Variants in KYNU observed in about 807,000 individuals in gnomAD.
KYNU encodes L-kynurenine hydrolase.
In KYNU, 54 loss-of-function variants were observed where a neutral mutation model predicts 59.2. That is an observed-to-expected ratio of 0.91 (90% CI 0.73 to 1.14). KYNU has a LOEUF of 1.14. KYNU is among the 50% of genes most tolerant of loss of function. KYNU has a pLI of 0.00. For synonymous variants in KYNU, 177 were observed against 192.0 expected, an observed-to-expected ratio of 0.92 and a Z score of 0.65; for missense variants, 567 against 554.4, an observed-to-expected ratio of 1.02 and a Z score of -0.23.
chr2:142,947,305 G>A, intron 4 of KYNU: 1 of 1,344,362 alleles, frequency 7.4e-7, no homozygotes, highest in Non-Finnish European at 1.0e-6. Context: ...CTACACACCT[G>A]TGTCATAGAA....
At chr2:143,012,962 T>C (rs1001791513) in intron 10 of KYNU, among the ~76,000 whole-genome samples, 3 of 152,194 alleles carry the variant, frequency 2.0e-5, no homozygotes, top group Non-Finnish European at 2.9e-5. Flanking sequence ...AATTTTTCCA[T>C]GTCTGGCTTT....
chr2:142,956,563 T>G (rs536537086), intron 6 of KYNU, among the ~76,000 whole-genome samples: 12 of 152,322 alleles, frequency 7.9e-5, no homozygotes, highest in African/African-American at 2.9e-4. Flanking sequence ...TATAAATGTT[T>G]TATTAATTCT....
At position 143,050,493 on chromosome 2, in the gene KYNU, G is replaced by A. The variant is rs143365391; in HGVS notation, c.*8321G>A. The A allele has an allele frequency of 6.6e-6, 1 of 152,166 alleles. No individual in the cohort carries two copies. The highest frequency in any genetic ancestry group is 1.5e-5 in the Non-Finnish European group (1 of 68,012). 9.4% of individuals were successfully genotyped at this position (152,166 alleles called of 1,614,324 possible). A position where few individuals can be genotyped will look rare whatever the true frequency, so the allele number is the denominator to read the frequency against. On this transcript the variant is annotated 3_prime_UTR_variant, in exon 14 of 14. Coordinates refer to ENST00000264170, the MANE Select transcript of KYNU (RefSeq NM_003937.3). The stretch of plus-strand genomic sequence containing the variant: ...CATGATCTCATTCCTCAATACTATG[G>A]CTACGTAGTATTCCATGGTGTATAT...
At chr2:143,029,095 C>T (rs900637195) in intron 10 of KYNU, among the ~76,000 whole-genome samples, 2 of 152,002 alleles carry the variant, frequency 1.3e-5, no homozygotes, top group African/African-American at 4.8e-5. Context: ...TTAACTATAA[C>T]TCTTAAGTTG....
chr2:142,995,368 A>G (rs907568454), intron 10 of KYNU, among the ~76,000 whole-genome samples: 1 of 152,112 alleles, frequency 6.6e-6, no homozygotes, highest in Non-Finnish European at 1.5e-5. Flanking sequence ...TGAAGAGGTA[A>G]TTGAATATGT....
intron 8 of KYNU, among the ~76,000 whole-genome samples, chr2:142,969,654 ATGT>A (rs1270091300): frequency 6.6e-6 from 1 of 152,172 alleles, no homozygotes; most frequent in East Asian, 1.9e-4. Context: ...TGGCCTCCAG[ATGT>A]TGTTATAGGA....
chr2:142,889,193 GAGAAAAACCCAGGGAAAAC>G (rs1681619308), intron 2 of KYNU, among the ~76,000 whole-genome samples: 2 of 152,192 alleles, frequency 1.3e-5, no homozygotes, highest in South Asian at 4.2e-4. Flanking sequence ...AGGTTAGCAA[GAGAAAAACCCAGGGAAAAC>G]TTGAGATTTT....
At position 143,046,883 on chromosome 2, in the gene KYNU, A is replaced by G. The variant is rs987546446; in HGVS notation, c.*4711A>G. On this transcript the variant is annotated 3_prime_UTR_variant, in exon 14 of 14. Coordinates refer to ENST00000264170, the MANE Select transcript of KYNU (RefSeq NM_003937.3). The stretch of plus-strand genomic sequence containing the variant: ...TTGAACTGCAATTAAATTTTAGATC[A>G]GTTTTGGAAGAATTGACTCAATAGT... The G allele has an allele frequency of 6.6e-6, 1 of 152,172 alleles. No individual in the cohort carries two copies. The highest frequency in any genetic ancestry group is 1.5e-5 in the Non-Finnish European group (1 of 68,028). 9.4% of individuals were successfully genotyped at this position (152,172 alleles called of 1,614,324 possible). A position where few individuals can be genotyped will look rare whatever the true frequency, so the allele number is the denominator to read the frequency against.
chr2:142,929,323 T>C (rs1227345664), intron 4 of KYNU, among the ~76,000 whole-genome samples: 2 of 137,906 alleles, frequency 1.5e-5, no homozygotes, highest in African/African-American at 5.5e-5. Flanking sequence ...ATCTGGGGAG[T>C]TGGCTCGCTG....
Position 143,050,780 on chromosome 2 carries a change from G to C in KYNU, c.*8608G>C, listed in dbSNP as rs982479980. 27 of 151,992 alleles carry C rather than the reference G, an allele frequency of 1.8e-4. No homozygotes were observed. The allele number at this position is 151,992 out of a possible 1,614,324, so 9.4% of individuals were successfully genotyped here. On this transcript the variant is annotated 3_prime_UTR_variant, in exon 14 of 14. Coordinates refer to ENST00000264170, the MANE Select transcript of KYNU (RefSeq NM_003937.3). ...TTATTCTTGAGTTCAAAACTATATG[G>C]GTTCACATTTAAATTATATAGTGTA...
At chr2:142,955,533 T>A (rs1464652041) in intron 5 of KYNU, among the ~76,000 whole-genome samples, 1 of 152,078 alleles carries the variant, frequency 6.6e-6, no homozygotes, top group Non-Finnish European at 1.5e-5. Flanking sequence ...ACATAATGCT[T>A]ATTTGAGGTT....
chr2:143,032,494 T>C (rs1210046993), intron 11 of KYNU, among the ~76,000 whole-genome samples: 2 of 152,042 alleles, frequency 1.3e-5, no homozygotes, highest in Admixed American at 1.3e-4. Context: ...ATCACCATAG[T>C]TTGCTTAATC....
intron 10 of KYNU, among the ~76,000 whole-genome samples, chr2:142,987,947 T>C (rs895963254): frequency 6.6e-6 from 1 of 151,866 alleles, no homozygotes; most frequent in African/African-American, 2.4e-5. Context: ...ATGAAAGATG[T>C]TCCTGCCTCC....
rs1687132306 is a variant in KYNU at position 143,044,456 on chromosome 2, TA to T, written c.*2288del. On this transcript the variant is annotated 3_prime_UTR_variant, in exon 14 of 14. Coordinates refer to ENST00000264170, the MANE Select transcript of KYNU (RefSeq NM_003937.3). ...CTAATTTATACTCCCACCAACAGTG[TA>T]AAAGCATTCCTATTTCTCCACATCC... is the stretch of plus-strand genomic sequence containing the variant. The T allele has an allele frequency of 6.6e-6, 1 of 152,214 alleles. No homozygotes were observed. The highest frequency in any genetic ancestry group is 1.5e-5 in the Non-Finnish European group (1 of 68,028). 9.4% of individuals were successfully genotyped at this position (152,214 alleles called of 1,614,324 possible). A position where few individuals can be genotyped will look rare whatever the true frequency, so the allele number is the denominator to read the frequency against.
At chr2:142,939,464 T>C (rs1057290426) in intron 4 of KYNU, among the ~76,000 whole-genome samples, 2 of 151,594 alleles carry the variant, frequency 1.3e-5, no homozygotes, top group Non-Finnish European at 2.9e-5. Context: ...TAGCCGGGCA[T>C]TGTGGCACGT....
chr2:143,000,684 TA>T (rs1230975022), intron 10 of KYNU, among the ~76,000 whole-genome samples: 9 of 152,330 alleles, frequency 5.9e-5, no homozygotes, highest in Admixed American at 5.9e-4. Flanking sequence ...CAGTGGTAGG[TA>T]AAACTAGTCT....
At chr2:143,038,809 G>A (rs547738247) in intron 12 of KYNU, among the ~76,000 whole-genome samples, 7 of 152,174 alleles carry the variant, frequency 4.6e-5, no homozygotes, top group East Asian at 1.9e-4. Flanking sequence ...CACATGCCAC[G>A]TGTACATACA....
chr2:143,030,166 A>G (rs534532470), intron 11 of KYNU, among the ~76,000 whole-genome samples: 2 of 152,376 alleles, frequency 1.3e-5, no homozygotes, highest in African/African-American at 4.8e-5. Flanking sequence ...AGTCAAGCTC[A>G]AAACAATAAG....
chr2:142,925,060 A>G (rs1210442323), intron 3 of KYNU, among the ~76,000 whole-genome samples: 1 of 152,216 alleles, frequency 6.6e-6, no homozygotes, highest in Non-Finnish European at 1.5e-5. Context: ...AGTAGGTGGC[A>G]TAACATTCTG....
Sources: allele counts gnomAD v4.1 joint callset (sites outside exome capture counted in the v4.1 genomes callset), GRCh38; gene constraint gnomAD v4.1.1; transcripts MANE v1.5; gene names NCBI Gene and HGNC (gene_info 2026-07-23, HGNC 2026-07-21).